Variants in DCLK1 observed in about 807,000 individuals in gnomAD.
DCLK1 encodes serine/threonine-protein kinase DCLK1.
Under a neutral mutation model 86.2 loss-of-function variants are expected in DCLK1, and 16 were observed. The ratio of observed to expected loss-of-function variants is 0.19; its 90% CI spans 0.13 to 0.28. The LOEUF (loss-of-function observed/expected upper bound fraction) is 0.28, where lower values mean the gene tolerates loss of function less well. DCLK1 is among the 10% of genes least tolerant of loss of function. The pLI, the probability that DCLK1 is intolerant of heterozygous loss-of-function variation, is 1.00. For missense variants in DCLK1, 590 were observed against 940.2 expected, an observed-to-expected ratio of 0.63 and a Z score of 4.87; for synonymous variants, 369 against 370.5, an observed-to-expected ratio of 1.00 and a Z score of 0.05.
intron 5 of DCLK1, among the ~76,000 whole-genome samples, chr13:35,862,103 A>G (rs1341186424): frequency 6.6e-6 from 1 of 151,232 alleles, no homozygotes; most frequent in East Asian, 1.9e-4. Flanking sequence ...TTTCATCTTT[A>G]CAAATCTCTT....
intron 15 of DCLK1, among the ~76,000 whole-genome samples, chr13:35,795,648 C>T (rs922629982): frequency 9.2e-5 from 14 of 152,102 alleles, no homozygotes; most frequent in South Asian, 2.1e-4. Context: ...AGGCCAAATG[C>T]GGTGGCTCAC....
chr13:35,849,150 T>G, intron 6 of DCLK1: 1 of 985,342 alleles, frequency 1.0e-6, no homozygotes, highest in Non-Finnish European at 1.2e-6. Flanking sequence ...TGCCTGGACG[T>G]TTTTTCTTCT....
intron 4 of DCLK1, among the ~76,000 whole-genome samples, chr13:35,909,511 G>T (rs1872686095): frequency 6.6e-6 from 1 of 151,770 alleles, no homozygotes; most frequent in Non-Finnish European, 1.5e-5. Context: ...TTTTTGGGTG[G>T]GATTTATGAG....
rs767215483 is a variant in DCLK1 at position 35,786,868 on chromosome 13, A to C, written c.2058+6498T>G. Among the ~76,000 whole-genome samples, 24 of 152,338 alleles carry C rather than the reference A, an allele frequency of 1.6e-4. 1 individual carries two copies. In the Middle Eastern group the frequency reaches 0.01, roughly 65 times the overall value. On this transcript the variant is annotated intron_variant, in intron 16 of 16. Coordinates refer to ENST00000360631, the MANE Select transcript of DCLK1 (RefSeq NM_001330071.2). The stretch of plus-strand genomic sequence containing the variant: ...TACATGCATTATAAATGGAGAAGAC[A>C]CAAATAGCCTTCTATGTCAAAATGA...
chr13:36,100,475 G>C (rs752492172), intron 3 of DCLK1, among the ~76,000 whole-genome samples: 25 of 152,180 alleles, frequency 1.6e-4, no homozygotes, highest in Non-Finnish European at 3.5e-4. Context: ...AATGGCCTGA[G>C]AAATATGTCA....
chr13:36,121,535 G>A (rs976203893), intron 2 of DCLK1, among the ~76,000 whole-genome samples: 22 of 151,742 alleles, frequency 1.4e-4, no homozygotes, highest in Non-Finnish European at 2.1e-4. Context: ...TTTTATTATA[G>A]TATATTGTTA....
chr13:36,115,328 T>TAAAAC (rs10627322), intron 2 of DCLK1, among the ~76,000 whole-genome samples: 3 of 151,632 alleles, frequency 2.0e-5, no homozygotes, highest in Non-Finnish European at 4.4e-5. Flanking sequence ...GAATTTATCT[T>TAAAAC]AAACAAACAA....
chr13:36,071,941 C>T (rs11839572), intron 3 of DCLK1, among the ~76,000 whole-genome samples: 26,696 of 152,100 alleles, frequency 0.18, 2,769 homozygotes, highest in East Asian at 0.46. Flanking sequence ...ATATATTGAT[C>T]GAGAGAGGCA....
intron 4 of DCLK1, among the ~76,000 whole-genome samples, chr13:35,872,288 G>C (rs56792639): frequency 0.12 from 18,057 of 152,190 alleles, 3,515 homozygotes; most frequent in African/African-American, 0.41. Flanking sequence ...GGGGGGTATA[G>C]AAACTTCTAG....
At chr13:36,097,202 A>C (rs533736473) in intron 3 of DCLK1, among the ~76,000 whole-genome samples, 1 of 152,360 alleles carries the variant, frequency 6.6e-6, no homozygotes, top group African/African-American at 2.4e-5. Context: ...TAAGCAGATC[A>C]GTGGCTGCTG....
intron 5 of DCLK1, among the ~76,000 whole-genome samples, chr13:35,863,029 C>CA (rs1287617153): frequency 6.6e-6 from 1 of 152,162 alleles, no homozygotes; most frequent in Non-Finnish European, 1.5e-5. Flanking sequence ...TTGAGATGTG[C>CA]AAATGCTTAT....
intron 3 of DCLK1, among the ~76,000 whole-genome samples, chr13:35,987,505 G>T (rs1465025872): frequency 6.6e-6 from 1 of 152,120 alleles, no homozygotes; most frequent in Non-Finnish European, 1.5e-5. Flanking sequence ...CCCTTAGGGG[G>T]TGCTTGAGGG....
chr13:35,887,878 C>CAAAAAAAAAAAAAAAAAAAAAAAAAA (rs760195385), intron 4 of DCLK1, among the ~76,000 whole-genome samples: 1 of 38,740 alleles, frequency 2.6e-5, no homozygotes, highest in Non-Finnish European at 4.9e-5. Flanking sequence ...GATCTTGTCT[C>CAAAAAAAAAAAAAAAAAAAAAAAAAA]AAAAAAAAAA....
chr13:35,906,424 A>T (rs9545661), intron 4 of DCLK1, among the ~76,000 whole-genome samples: 20 of 152,142 alleles, frequency 1.3e-4, no homozygotes, highest in Non-Finnish European at 1.8e-4. Context: ...AAATTTAAAG[A>T]GCTATGAGAT....
rs1175232925 is a variant in DCLK1, at chr13:35,883,520, T to C, written c.824-12180A>G. On this transcript the variant is annotated intron_variant, in intron 4 of 16. Coordinates refer to ENST00000360631, the MANE Select transcript of DCLK1 (RefSeq NM_001330071.2). ...AAATGCTGGTGTCATGCTTCTTGTG[T>C]AGTCTGCAGAACTGTGATCCAAGTA... Among the ~76,000 whole-genome samples, 3 of 152,176 alleles carry C rather than the reference T, an allele frequency of 2.0e-5. No homozygotes were observed. The East Asian group carries it at 5.8e-4, about 29-fold the overall frequency.
At chr13:36,025,156 T>G (rs1593827883) in intron 3 of DCLK1, among the ~76,000 whole-genome samples, 1 of 152,040 alleles carries the variant, frequency 6.6e-6, no homozygotes, top group Non-Finnish European at 1.5e-5. Flanking sequence ...TTAGTAGAGA[T>G]AAGGTTTCTC....
intron 3 of DCLK1, among the ~76,000 whole-genome samples, chr13:36,087,667 C>T (rs1263302635): frequency 1.3e-5 from 2 of 152,140 alleles, no homozygotes; most frequent in African/African-American, 2.4e-5. Context: ...GATATCCATA[C>T]CTTTTTCCCA....
intron 3 of DCLK1, among the ~76,000 whole-genome samples, chr13:36,086,452 CTTT>C (rs66864823): frequency 7.1e-6 from 1 of 141,114 alleles, no homozygotes; most frequent in Non-Finnish European, 1.5e-5. Context: ...TCCTCAACAG[CTTT>C]TTTTTTTTTT....
intron 3 of DCLK1, among the ~76,000 whole-genome samples, chr13:35,986,506 T>C (rs1299974308): frequency 2.0e-5 from 3 of 152,120 alleles, no homozygotes; most frequent in Admixed American, 6.5e-5. Context: ...GTACACATGC[T>C]TTTAATCAGA....
Sources: allele counts gnomAD v4.1 joint callset (sites outside exome capture counted in the v4.1 genomes callset), GRCh38; gene constraint gnomAD v4.1.1; transcripts MANE v1.5; gene names NCBI Gene and HGNC (gene_info 2026-07-23, HGNC 2026-07-21).